The following MARCHF1 variants were observed in gnomAD, a reference collection of about 807,000 sequenced individuals.
MARCHF1 encodes the protein E3 ubiquitin-protein ligase MARCHF1.
MARCHF1 carries 40 observed loss-of-function variants against 54.2 expected under a neutral mutation model. The observed-to-expected ratio is 0.74, with a 90% confidence interval of 0.57 to 0.96. The LOEUF (loss-of-function observed/expected upper bound fraction) is 0.96. Among genes scored for constraint, MARCHF1 ranks in the 40% least tolerant of loss-of-function variants. The probability of loss-of-function intolerance (pLI) is 0.00; values close to 1 mark genes in which losing one functional copy is unlikely to be tolerated. For synonymous variants in MARCHF1, 236 were observed against 236.3 expected, an observed-to-expected ratio of 1.00 and a Z score of 0.01; for missense variants, 586 against 656.5, an observed-to-expected ratio of 0.89 and a Z score of 1.17.
At chr4:163,606,321 C>A (rs2110906306) in intron 7 of MARCHF1, among the ~76,000 whole-genome samples, 1 of 152,180 alleles carries the variant, frequency 6.6e-6, no homozygotes, top group African/African-American at 2.4e-5. Flanking sequence ...CGGAAGCTGT[C>A]CCAAAAGGTC....
At chr4:163,648,976 T>G (rs1742865298) in intron 5 of MARCHF1, among the ~76,000 whole-genome samples, 1 of 152,002 alleles carries the variant, frequency 6.6e-6, no homozygotes, top group Non-Finnish European at 1.5e-5. Flanking sequence ...TTTCCCAATG[T>G]GATAATATTT....
intron 1 of MARCHF1, among the ~76,000 whole-genome samples, chr4:164,151,036 G>T (rs1456760054): frequency 2.0e-5 from 3 of 152,108 alleles, no homozygotes; most frequent in Non-Finnish European, 4.4e-5. Context: ...CACAGTCAAG[G>T]ACCTTTCAAA....
chr4:164,255,823 T>A (rs1434573475), intron 1 of MARCHF1, among the ~76,000 whole-genome samples: 1 of 152,198 alleles, frequency 6.6e-6, no homozygotes, highest in Non-Finnish European at 1.5e-5. Flanking sequence ...TACTTTGATA[T>A]AACTCTAAGA....
intron 2 of MARCHF1, among the ~76,000 whole-genome samples, chr4:164,087,397 A>C (rs528489483): frequency 1.2e-4 from 18 of 152,160 alleles, no homozygotes; most frequent in African/African-American, 4.3e-4. Context: ...TTAATTAGAA[A>C]ATTTTTTAGT....
At chr4:163,960,510 A>G (rs62348066) in intron 3 of MARCHF1, among the ~76,000 whole-genome samples, 23,048 of 151,992 alleles carry the variant, frequency 0.15, 2,271 homozygotes, top group South Asian at 0.28. Flanking sequence ...TTGAGGGAAC[A>G]TGGGTAGAAC....
chr4:163,877,776 T>C (rs1750325333), intron 3 of MARCHF1, among the ~76,000 whole-genome samples: 1 of 152,184 alleles, frequency 6.6e-6, no homozygotes, highest in Non-Finnish European at 1.5e-5. Flanking sequence ...TCACCCATAC[T>C]CTGGTCCTCA....
chr4:163,955,143 G>A (rs1752205712), intron 3 of MARCHF1, among the ~76,000 whole-genome samples: 1 of 150,040 alleles, frequency 6.7e-6, no homozygotes, highest in Non-Finnish European at 1.5e-5. Context: ...TTTGGGGAGG[G>A]ATAACTTCTG....
chr4:164,266,906 C>T (rs4056030), intron 1 of MARCHF1, among the ~76,000 whole-genome samples: 5 of 152,286 alleles, frequency 3.3e-5, no homozygotes, highest in East Asian at 1.9e-4. Context: ...ACTAATTCAA[C>T]TCATCAATTT....
chr4:163,943,244 C>T (rs941003245), intron 3 of MARCHF1, among the ~76,000 whole-genome samples: 14 of 152,076 alleles, frequency 9.2e-5, no homozygotes, highest in African/African-American at 2.4e-4. Flanking sequence ...TTGGTGTCTT[C>T]GTCATGAAAG....
At chr4:163,738,918 G>A (rs1746120987) in intron 4 of MARCHF1, among the ~76,000 whole-genome samples, 1 of 152,104 alleles carries the variant, frequency 6.6e-6, no homozygotes, top group South Asian at 2.1e-4. Flanking sequence ...TTAAATGAAT[G>A]GCAGCTGCTG....
chr4:163,573,574 G>A (rs1457457274), intron 8 of MARCHF1, among the ~76,000 whole-genome samples: 1 of 149,572 alleles, frequency 6.7e-6, no homozygotes, highest in South Asian at 2.1e-4. Context: ...TTGGTTTTTT[G>A]TTCTTGTGAT....
In MARCHF1 at chr4:163,969,512, C is replaced by T. The variant is rs143556611; in HGVS notation, c.-39+18989G>A. 5.2e-3 allele frequency among the ~76,000 whole-genome samples: 793 copies of T among 152,248 alleles called. 6 individuals are homozygous for T. Among genetic ancestry groups the T allele is most frequent in the African/African-American group, 0.018 (757 of 41,548 alleles). ...GAATATTTTTTAACATGGTTTCCTG[C>T]TTTTACAGAAAACTAAATTAGATTT... On this transcript the variant is annotated intron_variant, in intron 3 of 9. Transcript: ENST00000514618.
chr4:163,667,697 C>A (rs1266138284), intron 5 of MARCHF1, among the ~76,000 whole-genome samples: 1 of 151,878 alleles, frequency 6.6e-6, no homozygotes, highest in East Asian at 1.9e-4. Context: ...ATGATCTCAG[C>A]TCACTGCAAC....
intron 3 of MARCHF1, among the ~76,000 whole-genome samples, chr4:163,956,459 G>A (rs1256261394): frequency 6.6e-6 from 1 of 152,124 alleles, no homozygotes; most frequent in Non-Finnish European, 1.5e-5. Context: ...CACAATTTCA[G>A]TGAGGGGACT....
intron 3 of MARCHF1, among the ~76,000 whole-genome samples, chr4:163,878,673 A>G (rs780780420): frequency 6.6e-6 from 1 of 152,070 alleles, no homozygotes; most frequent in Non-Finnish European, 1.5e-5. Flanking sequence ...AACCTAGTTG[A>G]AGGACTCTTT....
chr4:164,224,573 A>T (rs1348074890), intron 1 of MARCHF1, among the ~76,000 whole-genome samples: 1 of 152,016 alleles, frequency 6.6e-6, no homozygotes, highest in Non-Finnish European at 1.5e-5. Context: ...ATTCTAAAAG[A>T]ATCTAAATTA....
intron 1 of MARCHF1, among the ~76,000 whole-genome samples, chr4:164,312,944 G>A (rs1376145715): frequency 6.6e-6 from 1 of 152,040 alleles, no homozygotes; most frequent in African/African-American, 2.4e-5. Context: ...GAACAAGCCA[G>A]GACTTCTCTG....
chr4:164,217,037 GA>G (rs1024375748), intron 1 of MARCHF1, among the ~76,000 whole-genome samples: 3 of 130,020 alleles, frequency 2.3e-5, no homozygotes, highest in African/African-American at 1.0e-4. Flanking sequence ...GAACTATTAG[GA>G]AAAAAAATTT....
chr4:163,986,249 CTTTTTTTTTTTTTTTT>C (rs869081083), intron 3 of MARCHF1, among the ~76,000 whole-genome samples: 26 of 28,896 alleles, frequency 9.0e-4, no homozygotes, highest in Middle Eastern at 0.036. Context: ...TTAACCTCTT[CTTTTTTTTTTTTTTTT>C]TTTTTTTTTT....
Sources: gnomAD v4.1 joint callset for allele counts (sites outside exome capture counted in the v4.1 genomes callset) on GRCh38, gnomAD v4.1.1 for gene constraint, MANE v1.5 for transcripts, NCBI Gene and HGNC (gene_info 2026-07-23, HGNC 2026-07-21) for gene names.